The following PSTPIP1 variants were observed in gnomAD, a reference collection of about 807,000 sequenced individuals.
PSTPIP1 encodes the protein proline-serine-threonine phosphatase interacting protein 1, also known as proline-serine-threonine phosphatase-interacting protein 1.
In PSTPIP1, 66 loss-of-function variants were observed where a neutral mutation model predicts 69.6. The ratio of observed to expected loss-of-function variants is 0.95; its 90% CI spans 0.78 to 1.16. PSTPIP1 has a LOEUF of 1.16. PSTPIP1 is among the 50% of genes most tolerant of loss of function. The pLI is 0.00. For missense variants in PSTPIP1, 603 were observed against 557.4 expected, an observed-to-expected ratio of 1.08 and a Z score of -0.82; for synonymous variants, 266 against 222.7, an observed-to-expected ratio of 1.19 and a Z score of -1.73.
chr15:76,995,990 G>T (rs1021524899), intron 1 of PSTPIP1, among the ~76,000 whole-genome samples: 1 of 152,198 alleles, frequency 6.6e-6, no homozygotes, highest in African/African-American at 2.4e-5. Context: ...TCTGTTACAG[G>T]CTGGGCAAGT....
intron 1 of PSTPIP1, among the ~76,000 whole-genome samples, chr15:77,014,885 C>T (rs913651851): frequency 1.3e-5 from 2 of 152,240 alleles, no homozygotes; most frequent in African/African-American, 2.4e-5. Context: ...TCTGGGATGC[C>T]GCCTGAGGCC....
At chr15:76,995,994 G>C (rs2075571413) in intron 1 of PSTPIP1, among the ~76,000 whole-genome samples, 1 of 152,134 alleles carries the variant, frequency 6.6e-6, no homozygotes, top group Non-Finnish European at 1.5e-5. Flanking sequence ...TTACAGGCTG[G>C]GCAAGTCATT....
At chr15:77,022,044 G>A (rs1298221660) in intron 3 of PSTPIP1, among the ~76,000 whole-genome samples, 1 of 152,236 alleles carries the variant, frequency 6.6e-6, no homozygotes, top group African/African-American at 2.4e-5. Context: ...AGCCCCCAAG[G>A]GGTGCAAGTT....
chr15:77,014,704 G>C (rs1472970901), intron 1 of PSTPIP1, among the ~76,000 whole-genome samples: 1 of 152,252 alleles, frequency 6.6e-6, no homozygotes, highest in South Asian at 2.1e-4. Context: ...AGCCGTGGGG[G>C]TGTGGAGGGC....
In PSTPIP1 at chr15:77,012,149, CCA is replaced by C. The variant is rs2075951082; in HGVS notation, c.37-5998_37-5997del. Among the ~76,000 whole-genome samples the C allele has an allele frequency of 2.6e-5, 3 of 117,238 alleles. No homozygotes were observed. The South Asian group carries it at 8.8e-4, about 35-fold the overall frequency. 76.9% of individuals were successfully genotyped at this position (117,238 alleles called of 152,430 possible). A position where few individuals can be genotyped will look rare whatever the true frequency, so the allele number is the denominator to read the frequency against. On this transcript the variant is annotated intron_variant, in intron 1 of 14. Transcript: ENST00000558012. ...TCCATCCATCCATCCATCCATCCAT[CCA>C]TCCATCCACCCACCCACCCACCCAC...
chr15:77,000,826 C>A (rs964086783), intron 1 of PSTPIP1, among the ~76,000 whole-genome samples: 1 of 152,170 alleles, frequency 6.6e-6, no homozygotes, highest in South Asian at 2.1e-4. Context: ...CAGGCGTGAG[C>A]CACCATGCAC....
At chr15:77,002,800 T>G (rs1481109312) in intron 1 of PSTPIP1, among the ~76,000 whole-genome samples, 1 of 152,224 alleles carries the variant, frequency 6.6e-6, no homozygotes, top group African/African-American at 2.4e-5. Context: ...TGACCCACTT[T>G]GTGCTCCAGT....
intron 1 of PSTPIP1, among the ~76,000 whole-genome samples, chr15:77,017,604 T>G (rs2076077000): frequency 6.6e-6 from 1 of 151,854 alleles, no homozygotes; most frequent in Non-Finnish European, 1.5e-5. Context: ...AAACCGCAAT[T>G]GCTGTGATGG....
At chr15:77,028,423 G>A in intron 6 of PSTPIP1, 131 bp from the exon 7 acceptor site, 3 of 677,056 alleles carry the variant, frequency 4.4e-6, no homozygotes, top group South Asian at 4.2e-5. Flanking sequence ...CCCTGTCCCT[G>A]GTGAGGATGC....
At chr15:77,020,095 A>C (rs922714971) in intron 3 of PSTPIP1, among the ~76,000 whole-genome samples, 2 of 152,032 alleles carry the variant, frequency 1.3e-5, no homozygotes, top group African/African-American at 4.8e-5. Context: ...GTCACAGGGG[A>C]TTTACAGCAG....
chr15:77,030,607 T>G, intron 9 of PSTPIP1, 26 bp downstream of exon 9: 2 of 1,575,958 alleles, frequency 1.3e-6, no homozygotes, highest in Non-Finnish European at 1.7e-6. Flanking sequence ...GGAGCCTCGT[T>G]TTCCCCAGCT....
intron 1 of PSTPIP1, among the ~76,000 whole-genome samples, chr15:77,005,480 G>A (rs2075797198): frequency 6.6e-6 from 1 of 152,208 alleles, no homozygotes; most frequent in Non-Finnish European, 1.5e-5. Context: ...ACCTGAGTGA[G>A]CAGAGGTTAG....
Position 76,995,497 on chromosome 15 carries a change from G to A in PSTPIP1, c.-77G>A, listed in dbSNP as rs748095087. The A allele has an allele frequency of 2.0e-5, 33 of 1,610,776 alleles. No homozygotes were observed. Among genetic ancestry groups the A allele is most frequent in the Admixed American group, 3.3e-5 (2 of 59,762 alleles). ...GGGCCAGCCCTGCCAGGACTGGGAC[G>A]CTGCTGCTGGCGCCTGGCCCTCCAT... On this transcript the variant is annotated 5_prime_UTR_variant, in exon 1 of 15. Transcript: ENST00000558012.
In PSTPIP1 at chr15:77,018,193, C is replaced by T. The variant is rs767330325; in HGVS notation, c.82C>T (p.Arg28Trp). The change falls in exon 2 of 15, where the codon CGG (arginine) becomes TGG (tryptophan). Residue 28 changes from arginine to tryptophan, a missense_variant. Transcript: ENST00000558012. The part of the protein sequence containing the change: ...AHTGYEVLLQ[R>W]LLDGRKMCKD... ...CACGGGCTACGAGGTGCTGCTGCAG[C>T]GGCTTCTGGATGGCAGGAAGATGTG... The T allele has an allele frequency of 1.3e-5, 21 of 1,590,252 alleles. No individual in the cohort carries two copies. The highest frequency in any genetic ancestry group is 6.8e-5 in the East Asian group (3 of 43,796).
At chr15:77,019,000 A>G (rs2152679421) in intron 3 of PSTPIP1, among the ~76,000 whole-genome samples, 1 of 152,298 alleles carries the variant, frequency 6.6e-6, no homozygotes. Flanking sequence ...GGCTGCTGAC[A>G]CACTCTGTGG....
intron 1 of PSTPIP1, among the ~76,000 whole-genome samples, chr15:77,007,362 C>A: frequency 6.6e-6 from 1 of 152,190 alleles, no homozygotes; most frequent in East Asian, 1.9e-4. Context: ...AATTCCAGCA[C>A]TCTGGAAAGC....
intron 5 of PSTPIP1, chr15:77,026,214 C>A (rs1384565016): frequency 2.2e-6 from 1 of 455,856 alleles, no homozygotes; most frequent in Admixed American, 2.3e-5. Flanking sequence ...AGGGAGGCTG[C>A]AGGGCTGAAG....
chr15:77,007,681 G>A (rs530475106), intron 1 of PSTPIP1, among the ~76,000 whole-genome samples: 5 of 150,960 alleles, frequency 3.3e-5, no homozygotes, highest in Non-Finnish European at 4.4e-5. Flanking sequence ...TGCAAGCTCC[G>A]CCTCCTGGGT....
intron 1 of PSTPIP1, among the ~76,000 whole-genome samples, chr15:77,011,381 C>T (rs1033228565): frequency 1.4e-4 from 21 of 152,336 alleles, no homozygotes; most frequent in African/African-American, 3.8e-4. Flanking sequence ...CACAGTGGAG[C>T]CCAGCCCAGG....
Sources: gnomAD v4.1 joint callset for allele counts (sites outside exome capture counted in the v4.1 genomes callset) on GRCh38, gnomAD v4.1.1 for gene constraint, MANE v1.5 for transcripts, NCBI Gene and HGNC (gene_info 2026-07-23, HGNC 2026-07-21) for gene names.